LHFPL3: variants seen among roughly 807,000 people sequenced by gnomAD.
LHFPL3 encodes the protein LHFPL tetraspan subfamily member 3 protein.
Under a neutral mutation model 19.3 loss-of-function variants are expected in LHFPL3, and 5 were observed. That is an observed-to-expected ratio of 0.26 (90% CI 0.14 to 0.54). The LOEUF (loss-of-function observed/expected upper bound fraction) is 0.54. LHFPL3 is among the 20% of genes least tolerant of loss of function. The probability of loss-of-function intolerance (pLI) is 0.94; values close to 1 mark genes in which losing one functional copy is unlikely to be tolerated. For missense variants in LHFPL3, 249 were observed against 307.4 expected (o/e 0.81, Z 1.42); for synonymous variants, 133 against 126.2 (o/e 1.05, Z -0.36).
At chr7:104,891,424 G>T (rs1383984346) in intron 2 of LHFPL3, among the ~76,000 whole-genome samples, 1 of 152,042 alleles carries the variant, frequency 6.6e-6, no homozygotes, top group African/African-American at 2.4e-5. Context: ...AGGAAATCAG[G>T]CCAAATTTCA....
At chr7:104,594,967 T>A (rs1165857432) in intron 1 of LHFPL3, among the ~76,000 whole-genome samples, 1 of 152,220 alleles carries the variant, frequency 6.6e-6, no homozygotes, top group Non-Finnish European at 1.5e-5. Context: ...TTCAGCTTCC[T>A]TACGATGGGT....
chr7:104,752,113 C>G (rs1794186333), intron 2 of LHFPL3, among the ~76,000 whole-genome samples: 1 of 152,152 alleles, frequency 6.6e-6, no homozygotes. Flanking sequence ...ATGTTACAGG[C>G]ACCTGACCTG....
In LHFPL3 at chr7:104,628,479, T is replaced by A. The variant is rs944922901; in HGVS notation, c.446-108196T>A. ...CTCAGTGATTTTTTTTATCTGATGA[T>A]GTACTAAGAATCTTTCTATATTTAC... On this transcript the variant is annotated intron_variant, in intron 1 of 2. Coordinates refer to ENST00000424859, the MANE Select transcript of LHFPL3 (RefSeq NM_199000.3). 5.3e-5 allele frequency among the ~76,000 whole-genome samples: 8 copies of A among 152,344 alleles called. No homozygotes were observed. The South Asian group carries it at 1.7e-3, about 32-fold the overall frequency.
intron 1 of LHFPL3, among the ~76,000 whole-genome samples, chr7:104,389,818 AAAGAATG>A (rs1791028749): frequency 6.6e-6 from 1 of 152,174 alleles, no homozygotes; most frequent in South Asian, 2.1e-4. Context: ...GTCATATGTA[AAAGAATG>A]AAGTTGGGCC....
intron 1 of LHFPL3, among the ~76,000 whole-genome samples, chr7:104,548,447 A>C (rs1794609954): frequency 6.6e-6 from 1 of 152,212 alleles, no homozygotes. Flanking sequence ...GATGATTTAC[A>C]AAGTTTATTT....
At chr7:104,862,906 C>T (rs1212821810) in intron 2 of LHFPL3, among the ~76,000 whole-genome samples, 1 of 152,176 alleles carries the variant, frequency 6.6e-6, no homozygotes, top group Admixed American at 6.5e-5. Context: ...TGGGCTGCTC[C>T]GCCTGGTGGT....
intron 1 of LHFPL3, among the ~76,000 whole-genome samples, chr7:104,581,595 T>A (rs1309979507): frequency 1.3e-5 from 2 of 152,050 alleles, no homozygotes; most frequent in African/African-American, 4.8e-5. Flanking sequence ...ATTGTGAATA[T>A]GTTTTCCTAT....
At chr7:104,453,865 C>G (rs1236397468) in intron 1 of LHFPL3, among the ~76,000 whole-genome samples, 2 of 152,124 alleles carry the variant, frequency 1.3e-5, no homozygotes, top group Non-Finnish European at 2.9e-5. Flanking sequence ...TGTTCCTGCT[C>G]CCCCATCGCC....
intron 2 of LHFPL3, among the ~76,000 whole-genome samples, chr7:104,881,522 G>A (rs1792057103): frequency 2.0e-5 from 3 of 152,154 alleles, no homozygotes; most frequent in African/African-American, 7.2e-5. Flanking sequence ...GGACTGAATT[G>A]CTGCCATCTC....
At chr7:104,868,229 G>T (rs562323910) in intron 2 of LHFPL3, among the ~76,000 whole-genome samples, 1 of 152,134 alleles carries the variant, frequency 6.6e-6, no homozygotes, top group East Asian at 1.9e-4. Context: ...TTCTGGCCAG[G>T]GCAATCAGGC....
At chr7:104,488,816 CAA>C (rs1376058969) in intron 1 of LHFPL3, among the ~76,000 whole-genome samples, 1 of 152,156 alleles carries the variant, frequency 6.6e-6, no homozygotes, top group East Asian at 1.9e-4. Context: ...TCAAAGCAGG[CAA>C]AGTCTGTTGG....
chr7:104,435,274 C>A (rs1792081023), intron 1 of LHFPL3, among the ~76,000 whole-genome samples: 1 of 151,946 alleles, frequency 6.6e-6, no homozygotes, highest in Non-Finnish European at 1.5e-5. Context: ...TCCCAAGTAG[C>A]TGGGACTGCA....
chr7:104,714,344 G>T (rs1285811217), intron 1 of LHFPL3, among the ~76,000 whole-genome samples: 1 of 151,984 alleles, frequency 6.6e-6, no homozygotes, highest in African/African-American at 2.4e-5. Flanking sequence ...ACCATAGATT[G>T]GTCATAGCCA....
chr7:104,442,190 A>C (rs1391800615), intron 1 of LHFPL3, among the ~76,000 whole-genome samples: 1 of 151,676 alleles, frequency 6.6e-6, no homozygotes, highest in African/African-American at 2.4e-5. Flanking sequence ...GGCCATTCAT[A>C]TCTCTTCTTT....
intron 1 of LHFPL3, among the ~76,000 whole-genome samples, chr7:104,563,010 G>A (rs1355498927): frequency 6.6e-6 from 1 of 152,206 alleles, no homozygotes; most frequent in African/African-American, 2.4e-5. Context: ...CAGGGGTCAG[G>A]GACCCACTTG....
intron 1 of LHFPL3, among the ~76,000 whole-genome samples, chr7:104,531,375 G>A (rs958261037): frequency 3.9e-5 from 6 of 152,106 alleles, no homozygotes; most frequent in African/African-American, 1.4e-4. Flanking sequence ...GGCAAGGACC[G>A]GTGTGTCTGA....
At chr7:104,835,880 C>G (rs1791084806) in intron 2 of LHFPL3, among the ~76,000 whole-genome samples, 1 of 152,022 alleles carries the variant, frequency 6.6e-6, no homozygotes, top group African/African-American at 2.4e-5. Flanking sequence ...AGGTTTTAAG[C>G]CCCGCATGCA....
At chr7:104,693,985 TGAGAACA>T (rs1290724955) in intron 1 of LHFPL3, among the ~76,000 whole-genome samples, 1 of 152,192 alleles carries the variant, frequency 6.6e-6, no homozygotes, top group Non-Finnish European at 1.5e-5. Flanking sequence ...CATAGCAGCA[TGAGAACA>T]GAGTAATACA....
chr7:104,424,842 C>A (rs553477088), intron 1 of LHFPL3, among the ~76,000 whole-genome samples: 1 of 151,840 alleles, frequency 6.6e-6, no homozygotes, highest in South Asian at 2.1e-4. Flanking sequence ...ATTAGCCGGG[C>A]GTGGTGGTGG....
Sources: gnomAD v4.1 joint callset for allele counts (sites outside exome capture counted in the v4.1 genomes callset) on GRCh38, gnomAD v4.1.1 for gene constraint, MANE v1.5 for transcripts, NCBI Gene and HGNC (gene_info 2026-07-23, HGNC 2026-07-21) for gene names.